ADGRA3: variants seen among roughly 807,000 people sequenced by gnomAD.
ADGRA3 encodes adhesion G protein-coupled receptor A3.
In ADGRA3, 56 loss-of-function variants were observed where a neutral mutation model predicts 119.8. The ratio of observed to expected loss-of-function variants is 0.47; its 90% CI spans 0.38 to 0.58. The LOEUF is 0.58. Ranked by LOEUF, ADGRA3 falls within the 20% of genes least tolerant of loss-of-function variation. The pLI is 0.00. For synonymous variants in ADGRA3, 607 were observed against 623.8 expected, an observed-to-expected ratio of 0.97 and a Z score of 0.40; for missense variants, 1,516 against 1,649.0, an observed-to-expected ratio of 0.92 and a Z score of 1.40.
chr4:22,499,277 T>C (rs933523310), intron 1 of ADGRA3, among the ~76,000 whole-genome samples: 1 of 152,240 alleles, frequency 6.6e-6, no homozygotes, highest in Non-Finnish European at 1.5e-5. Context: ...TTTGGTTTCA[T>C]ATGTAAAATC....
intron 2 of ADGRA3, among the ~76,000 whole-genome samples, chr4:22,473,452 G>C (rs1447566043): frequency 1.3e-5 from 2 of 152,082 alleles, no homozygotes; most frequent in Non-Finnish European, 2.9e-5. Flanking sequence ...CATCCACGTC[G>C]ATTCATTTAT....
chr4:22,434,451 T>C (rs1021854925), intron 10 of ADGRA3, among the ~76,000 whole-genome samples: 7 of 152,114 alleles, frequency 4.6e-5, no homozygotes, highest in African/African-American at 1.7e-4. Flanking sequence ...AATGTGATGC[T>C]ACAGAAAACT....
intron 1 of ADGRA3, among the ~76,000 whole-genome samples, chr4:22,506,554 A>AAAAC (rs201527846): frequency 1.4e-4 from 21 of 152,104 alleles, no homozygotes; most frequent in Admixed American, 2.6e-4. Context: ...CCCTATCTCA[A>AAAAC]AAACAAACAA....
intron 12 of ADGRA3, chr4:22,420,243 T>A (rs986498377): frequency 6.6e-6 from 1 of 152,204 alleles, no homozygotes; most frequent in East Asian, 1.9e-4. Flanking sequence ...GTGAAAAAAA[T>A]GTGGTTCCAT....
chr4:22,501,793 T>G (rs1205663953), intron 1 of ADGRA3, among the ~76,000 whole-genome samples: 1 of 151,182 alleles, frequency 6.6e-6, no homozygotes, highest in Admixed American at 6.6e-5. Context: ...AAAACTAATA[T>G]GAGAACTAAG....
chr4:22,433,974 T>G lies in ADGRA3; in HGVS notation c.1443+1337A>C, dbSNP rs567634802. On this transcript the variant is annotated intron_variant, in intron 10 of 18. Coordinates refer to ENST00000334304, the MANE Select transcript of ADGRA3 (RefSeq NM_145290.4). Reference sequence around the variant, plus strand: ...AATGAAATGTTATCCCGCTGACAAGTGAGGTGGCCTATTTGCCTAAGTCCC... The same window carrying G: ...AATGAAATGTTATCCCGCTGACAAGGGAGGTGGCCTATTTGCCTAAGTCCC... 3.9e-5 allele frequency among the ~76,000 whole-genome samples: 6 copies of G among 152,202 alleles called. No individual in the cohort carries two copies. In the East Asian group the frequency reaches 9.7e-4, roughly 25 times the overall value.
At chr4:22,447,325 T>A in intron 5 of ADGRA3, 115 bp downstream of exon 5, 1 of 663,336 alleles carries the variant, frequency 1.5e-6, no homozygotes, top group Non-Finnish European at 2.6e-6. Flanking sequence ...CAAGTGAGAC[T>A]CTACCTTGAC....
intron 6 of ADGRA3, 83 bp downstream of exon 6, chr4:22,444,890 G>C: frequency 1.4e-6 from 2 of 1,381,342 alleles, no homozygotes; most frequent in East Asian, 2.3e-5. Flanking sequence ...CAAGTATAAA[G>C]AGAATCTTAC....
At chr4:22,452,231 A>T (rs1409616486) in intron 4 of ADGRA3, among the ~76,000 whole-genome samples, 10 of 152,198 alleles carry the variant, frequency 6.6e-5, no homozygotes, top group African/African-American at 2.4e-4. Context: ...AATAGGAATG[A>T]TAGACAGTGG....
intron 9 of ADGRA3, among the ~76,000 whole-genome samples, chr4:22,436,206 G>A (rs1716384076): frequency 6.6e-6 from 1 of 152,010 alleles, no homozygotes; most frequent in African/African-American, 2.4e-5. Flanking sequence ...TTAAAAAAAA[G>A]ATATTCAAAC....
At chr4:22,405,096 G>A (rs1714845560) in intron 14 of ADGRA3, among the ~76,000 whole-genome samples, 1 of 152,158 alleles carries the variant, frequency 6.6e-6, no homozygotes, top group African/African-American at 2.4e-5. Flanking sequence ...GTTGGAGAAG[G>A]GGTAGAAGAA....
intron 14 of ADGRA3, among the ~76,000 whole-genome samples, chr4:22,411,931 A>G (rs946869784): frequency 2.6e-5 from 4 of 152,078 alleles, no homozygotes; most frequent in African/African-American, 2.4e-5. Context: ...CAGGTAAGGT[A>G]TAAGTTGAAT....
intron 1 of ADGRA3, among the ~76,000 whole-genome samples, chr4:22,503,955 C>A (rs1719145351): frequency 6.6e-6 from 1 of 152,102 alleles, no homozygotes; most frequent in Non-Finnish European, 1.5e-5. Flanking sequence ...AGGGGCGCAG[C>A]ACTTTAACAT....
At chr4:22,421,177 T>C (rs1211476880) in intron 11 of ADGRA3, 88 bp from the exon 12 acceptor site, 2 of 1,021,992 alleles carry the variant, frequency 2.0e-6, no homozygotes, top group Admixed American at 2.3e-5. Context: ...CAAAACACTA[T>C]GCATTAGCCA....
chr4:22,491,960 T>C (rs536767364), intron 1 of ADGRA3, among the ~76,000 whole-genome samples: 8 of 152,330 alleles, frequency 5.3e-5, no homozygotes, highest in South Asian at 2.1e-4. Flanking sequence ...GTCAGATCAA[T>C]TGCAAATGTA....
chr4:22,436,405 C>T lies in ADGRA3; in HGVS notation c.1287+35G>A, dbSNP rs756883182. The T allele has an allele frequency of 9.0e-6, 14 of 1,552,388 alleles. No homozygotes were observed. In the African/African-American group the frequency reaches 1.6e-4, roughly 18 times the overall value. On this transcript the variant is annotated intron_variant, in intron 9 of 18. Coordinates refer to ENST00000334304, the MANE Select transcript of ADGRA3 (RefSeq NM_145290.4). ...TTTGGTTTGAATACCATGTTTTCTC[C>T]ACAACCCAAGTAAACATGAAGACTT...
intron 1 of ADGRA3, among the ~76,000 whole-genome samples, chr4:22,491,498 T>C (rs752149786): frequency 2.0e-5 from 3 of 152,198 alleles, no homozygotes; most frequent in Non-Finnish European, 1.5e-5. Flanking sequence ...TAGCCTTCAG[T>C]GTCTGTCCCT....
chr4:22,458,021 A>G (rs923450064), intron 3 of ADGRA3, among the ~76,000 whole-genome samples: 3 of 152,230 alleles, frequency 2.0e-5, no homozygotes, highest in Non-Finnish European at 4.4e-5. Context: ...AGGACCTGAC[A>G]GTATTATTTC....
chr4:22,447,444 A>C lies in ADGRA3; in HGVS notation c.541T>G (p.Ser181Ala). 1.3e-6 allele frequency: 2 copies of C among 1,526,088 alleles called. No homozygotes were observed. Among genetic ancestry groups the C allele is most frequent in the Non-Finnish European group, 1.8e-6 (2 of 1,134,644 alleles). 94.5% of individuals were successfully genotyped at this position (1,526,088 alleles called of 1,614,324 possible). A position where few individuals can be genotyped will look rare whatever the true frequency, so the allele number is the denominator to read the frequency against. ...GAGAAAAAAATTCTTACTTACAAAG[A>C]CCGTAATGACGCAAGATAATCAAAA... ...GTFDYLASLR[S>A]LEFQTEYLLC... Residue 181 changes from serine to alanine, a missense_variant, in exon 5 of 19, where the codon TCT becomes GCT. By Grantham distance (99) the Ser-to-Ala change is moderately conservative. Coordinates refer to ENST00000334304, the MANE Select transcript of ADGRA3 (RefSeq NM_145290.4).
Sources: allele counts gnomAD v4.1 joint callset (sites outside exome capture counted in the v4.1 genomes callset), GRCh38; gene constraint gnomAD v4.1.1; transcripts MANE v1.5; gene names NCBI Gene and HGNC (gene_info 2026-07-23, HGNC 2026-07-21).